TRIM22: variants seen among roughly 807,000 people sequenced by gnomAD.
TRIM22 encodes E3 ubiquitin-protein ligase TRIM22.
In TRIM22, 45 loss-of-function variants were observed where a neutral mutation model predicts 53.6. That is an observed-to-expected ratio of 0.84 (90% confidence interval 0.66 to 1.08). The LOEUF is 1.08. Among genes scored for constraint, TRIM22 ranks in the 50% least tolerant of loss-of-function variants. TRIM22 has a pLI of 0.00. For missense variants in TRIM22, 616 were observed against 590.9 expected (o/e 1.04, Z -0.44); for synonymous variants, 225 against 216.6 (o/e 1.04, Z -0.34).
At position 5,709,653 on chromosome 11, in the gene TRIM22, T is replaced by A. The variant is rs368062511; in HGVS notation, c.*5T>A. ...GTGTGCCCACCGAGCTCCTGAGTGT[T>A]CTCATTCCTTTACCCACTTCTGCAT... On this transcript the variant is annotated 3_prime_UTR_variant, in exon 8 of 8. Transcript: ENST00000379965. The A allele has an allele frequency of 3.1e-6, 5 of 1,598,064 alleles. No homozygotes were observed. In the African/African-American group the frequency reaches 6.7e-5, roughly 21 times the overall value.
At chr11:5,708,977 T>C (rs936798933) in intron 7 of TRIM22, 76 bp from the exon 8 acceptor site, 1 of 1,180,824 alleles carries the variant, frequency 8.5e-7, no homozygotes, top group Non-Finnish European at 1.2e-6. Context: ...AGTTTCATTT[T>C]CAATATGTCT....
chr11:5,697,342 A>G lies in TRIM22; in HGVS notation c.518A>G (p.Lys173Arg), dbSNP rs1853283329. 3 of 1,611,438 alleles carry G rather than the reference A, an allele frequency of 1.9e-6. No homozygotes were observed. The South Asian group carries it at 3.3e-5, about 18-fold the overall frequency. The change falls in exon 3 of 8, where the codon AAG becomes AGG. Residue 173 changes from lysine to arginine, a missense_variant and splice_region_variant. Coordinates refer to ENST00000379965, the MANE Select transcript of TRIM22 (RefSeq NM_006074.5). ...DDIRQERTAWKNYIQIERQKI... is the reference protein window; with the variant it reads ...DDIRQERTAWRNYIQIERQKI... ...ATCAGACAAGAGAGAACCGCCTGGAAGGCAGGAGGAGACACCTCCTAAGGG... is the reference window on the plus strand; with the variant it reads ...ATCAGACAAGAGAGAACCGCCTGGAGGGCAGGAGGAGACACCTCCTAAGGG...
rs1063303 is a variant in TRIM22, at chr11:5,698,520, G to T, written c.725G>T (p.Arg242Met). 6.8e-6 allele frequency: 11 copies of T among 1,612,960 alleles called. No individual in the cohort carries two copies. The highest frequency in any genetic ancestry group is 1.3e-5 in the African/African-American group (1 of 74,818). Residue 242 changes from arginine to methionine, a missense_variant, in exon 4 of 8, where the codon AGG becomes ATG. Coordinates refer to ENST00000379965, the MANE Select transcript of TRIM22 (RefSeq NM_006074.5). The part of the protein sequence containing the change: ...TLISDLQRRL[R>M]GSSVEMLQDV... ...ATCTCAGATCTCCAGCGGAGGTTGA[G>T]GGGATCGTCAGTAGAGATGCTGCAG...
At chr11:5,694,433 C>T (rs1853223987) in intron 1 of TRIM22, among the ~76,000 whole-genome samples, 1 of 152,236 alleles carries the variant, frequency 6.6e-6, no homozygotes, top group Non-Finnish European at 1.5e-5. Context: ...TTTAAAACCA[C>T]AGCATGCCCC....
chr11:5,708,048 T>C (rs1853488751), intron 5 of TRIM22, 125 bp from the exon 6 acceptor site: 1 of 712,948 alleles, frequency 1.4e-6, no homozygotes, highest in East Asian at 2.7e-5. Flanking sequence ...ATCTCCCCTC[T>C]ACTGTCCTCA....
chr11:5,708,348 T>C, intron 6 of TRIM22, 75 bp downstream of exon 6: 7 of 1,410,128 alleles, frequency 5.0e-6, no homozygotes, highest in Non-Finnish European at 6.0e-6. Context: ...GGGAGGTTTT[T>C]TTAGGTTAGG....
chr11:5,692,922 C>A (rs1365936941), intron 1 of TRIM22, among the ~76,000 whole-genome samples: 1 of 140,500 alleles, frequency 7.1e-6, no homozygotes, highest in African/African-American at 2.7e-5. Flanking sequence ...TGTTGCCAGG[C>A]TGGAGTGCAG....
rs1374544921 is a variant in TRIM22, at chr11:5,696,185, C to G, written c.-48C>G. Reference sequence around the variant, plus strand: ...TTCTCAGCACTGCAGGAGTTTGTGACCAAGAACTTCAAGAGTCAAGACAGA... The same window carrying G: ...TTCTCAGCACTGCAGGAGTTTGTGAGCAAGAACTTCAAGAGTCAAGACAGA... On this transcript the variant is annotated 5_prime_UTR_variant, in exon 2 of 8. Coordinates refer to ENST00000379965, the MANE Select transcript of TRIM22 (RefSeq NM_006074.5). The G allele has an allele frequency of 6.5e-7, 1 of 1,544,402 alleles. No homozygotes were observed. The highest frequency in any genetic ancestry group is 8.7e-7 in the Non-Finnish European group (1 of 1,145,662).
At chr11:5,705,918 C>T (rs1383115561) in intron 4 of TRIM22, among the ~76,000 whole-genome samples, 1 of 152,136 alleles carries the variant, frequency 6.6e-6, no homozygotes, top group East Asian at 1.9e-4. Context: ...GGAGTTTAGT[C>T]AGCATACACA....
intron 4 of TRIM22, among the ~76,000 whole-genome samples, 200 bp from the exon 5 acceptor site, chr11:5,706,392 CAA>C (rs1304197927): frequency 1.3e-5 from 2 of 151,978 alleles, no homozygotes; most frequent in Non-Finnish European, 1.5e-5. Context: ...CATTGCTAGA[CAA>C]AATACAGGAT....
At position 5,696,462 on chromosome 11, in the gene TRIM22, T is replaced by G; in HGVS notation, c.230T>G (p.Ile77Arg). 1 of 1,614,140 alleles carries G rather than the reference T, an allele frequency of 6.2e-7. No individual in the cohort carries two copies. Among genetic ancestry groups the G allele is most frequent in the Non-Finnish European group, 8.5e-7 (1 of 1,180,034 alleles). The change falls in exon 2 of 8, where the codon ATA (isoleucine) becomes AGA (arginine). Residue 77 changes from isoleucine to arginine, a missense_variant. Ile to Arg is a moderately conservative substitution (Grantham distance 97). Coordinates refer to ENST00000379965, the MANE Select transcript of TRIM22 (RefSeq NM_006074.5). ...CGACCTAATCGGCATCTGGCCAACA[T>G]AGTTGAGAGAGTCAAAGAGGTCAAG... Reference protein sequence around the residue: ...NLRPNRHLANIVERVKEVKMS... With the variant: ...NLRPNRHLANRVERVKEVKMS...
At chr11:5,706,390 G>A (rs1435292643) in intron 4 of TRIM22, among the ~76,000 whole-genome samples, 1 of 152,144 alleles carries the variant, frequency 6.6e-6, no homozygotes, top group African/African-American at 2.4e-5. Flanking sequence ...AGCATTGCTA[G>A]ACAAAATACA....
intron 4 of TRIM22, among the ~76,000 whole-genome samples, chr11:5,701,135 T>C (rs1315066204): frequency 2.0e-5 from 3 of 152,208 alleles, no homozygotes; most frequent in Admixed American, 1.3e-4. Flanking sequence ...TGCATCTGTG[T>C]TCATGAGAGA....
chr11:5,705,611 G>A (rs544127547), intron 4 of TRIM22, among the ~76,000 whole-genome samples: 18 of 151,972 alleles, frequency 1.2e-4, no homozygotes, highest in Non-Finnish European at 2.1e-4. Flanking sequence ...ATCAGACAGC[G>A]GGAGATCAAA....
Position 5,697,239 on chromosome 11 carries a change from T to G in TRIM22, c.424-9T>G. ...ATAACTTTACTCTGGTATAATTTAT[T>G]TCTTACAGGAAAAGCTGCAGGTAGC... On this transcript the variant is annotated splice_polypyrimidine_tract_variant and intron_variant, in intron 2 of 7. Coordinates refer to ENST00000379965, the MANE Select transcript of TRIM22 (RefSeq NM_006074.5). 2 of 1,597,254 alleles carry G rather than the reference T, an allele frequency of 1.3e-6. No homozygotes were observed. Among genetic ancestry groups the G allele is most frequent in the Non-Finnish European group, 1.7e-6 (2 of 1,171,882 alleles).
chr11:5,698,465 G>A lies in TRIM22; in HGVS notation c.670G>A (p.Val224Ile), dbSNP rs763574099. 6.2e-7 allele frequency: 1 copy of A among 1,614,114 alleles called. No homozygotes were observed. Among genetic ancestry groups the A allele is most frequent in the Middle Eastern group, 1.7e-4 (1 of 6,038 alleles). ...CCTGGCAGCAGCTACAGACCAGCTG[G>A]TCCAGCAGAGGCAGGATGCCAGCAC... is the stretch of plus-strand genomic sequence containing the variant. ...DNLAAATDQL[V>I]QQRQDASTLI... The change falls in exon 4 of 8, where the codon GTC (valine) becomes ATC (isoleucine). Residue 224 changes from valine to isoleucine, a missense_variant. Val to Ile is a conservative substitution (Grantham distance 29, BLOSUM62 3). Coordinates refer to ENST00000379965, the MANE Select transcript of TRIM22 (RefSeq NM_006074.5).
intron 7 of TRIM22, 39 bp downstream of exon 7, chr11:5,708,642 A>T: frequency 6.3e-7 from 1 of 1,587,886 alleles, no homozygotes; most frequent in South Asian, 1.1e-5. Context: ...TTCCTTTCAG[A>T]ATTGTGGTTA....
rs539163240 is a variant in TRIM22 at position 5,708,581 on chromosome 11, G to C, written c.879G>C (p.Leu293=). The change falls in exon 7 of 8, where the codon CTG becomes CTC. Residue 293 remains leucine (L), a synonymous_variant. Transcript: ENST00000379965. ...CTGAAACTTTTGTCGTTTCAGAGCT[G>C]ACAGATGTCCAGTACTACTGGGGTA... The part of the protein sequence containing the change: ...LSGMLQVLKE[L]TDVQYYWVDV... 3.6e-5 allele frequency: 57 copies of C among 1,604,932 alleles called. No homozygotes were observed. The South Asian group carries it at 5.4e-4, about 15-fold the overall frequency.
intron 1 of TRIM22, among the ~76,000 whole-genome samples, chr11:5,691,711 C>T (rs952729444): frequency 6.6e-6 from 1 of 152,188 alleles, no homozygotes; most frequent in Non-Finnish European, 1.5e-5. Context: ...TTTTCCCTTG[C>T]ACAGAGCTAA....
Sources: gnomAD v4.1 joint callset for allele counts (sites outside exome capture counted in the v4.1 genomes callset) on GRCh38, gnomAD v4.1.1 for gene constraint, MANE v1.5 for transcripts, NCBI Gene and HGNC (gene_info 2026-07-23, HGNC 2026-07-21) for gene names.